Variants in LRCH1 observed in about 807,000 individuals in gnomAD.
The protein encoded by LRCH1 is leucine rich repeats and calponin homology domain containing 1.
In LRCH1, 23 loss-of-function variants were observed where a neutral mutation model predicts 94.9. That is an observed-to-expected ratio of 0.24 (90% CI 0.17 to 0.34). The LOEUF (loss-of-function observed/expected upper bound fraction) is 0.34, where lower values mean the gene tolerates loss of function less well. Among genes scored for constraint, LRCH1 ranks in the 10% least tolerant of loss-of-function variants. LRCH1 has a pLI of 1.00. For missense variants in LRCH1, 790 were observed against 945.9 expected (o/e 0.84, Z 2.16); for synonymous variants, 364 against 354.9 (o/e 1.03, Z -0.29).
intron 3 of LRCH1, among the ~76,000 whole-genome samples, chr13:46,672,611 C>T (rs1000324415): frequency 1.3e-5 from 2 of 152,176 alleles, no homozygotes; most frequent in Non-Finnish European, 2.9e-5. Context: ...GTGTAAACAG[C>T]GTTGTCTCCA....
At chr13:46,686,486 G>A (rs1033006038) in intron 5 of LRCH1, among the ~76,000 whole-genome samples, 4 of 152,088 alleles carry the variant, frequency 2.6e-5, no homozygotes, top group Non-Finnish European at 5.9e-5. Context: ...TTTATGGCCA[G>A]TTTTTACACA....
At position 46,553,315 on chromosome 13, in the gene LRCH1, C is replaced by A. The variant is rs1475131857; in HGVS notation, c.-82C>A. On this transcript the variant is annotated 5_prime_UTR_variant, in exon 1 of 20. Transcript: ENST00000389797. ...CGGTGGAGCACTGCGGCACTCAGCC[C>A]GAGCTGCCGTTTTCCCCTCGCGGGG... 1.1e-5 allele frequency: 14 copies of A among 1,218,162 alleles called. No individual in the cohort carries two copies. The highest frequency in any genetic ancestry group is 1.6e-5 in the Non-Finnish European group (14 of 882,066). 75.5% of individuals were successfully genotyped at this position (1,218,162 alleles called of 1,614,324 possible). A position where few individuals can be genotyped will look rare whatever the true frequency, so the allele number is the denominator to read the frequency against.
chr13:46,584,281 T>C (rs2050406327), intron 1 of LRCH1, among the ~76,000 whole-genome samples: 1 of 152,192 alleles, frequency 6.6e-6, no homozygotes, highest in Non-Finnish European at 1.5e-5. Flanking sequence ...TAACCCAGTG[T>C]TTTCACATGT....
chr13:46,614,121 T>G (rs1239923276), intron 1 of LRCH1, among the ~76,000 whole-genome samples: 3 of 150,370 alleles, frequency 2.0e-5, no homozygotes, highest in African/African-American at 7.4e-5. Flanking sequence ...TCTTTTTTTG[T>G]GGCGAGAGTA....
At chr13:46,690,088 A>T (rs1473387191) in intron 7 of LRCH1, among the ~76,000 whole-genome samples, 1 of 152,000 alleles carries the variant, frequency 6.6e-6, no homozygotes, top group Non-Finnish European at 1.5e-5. Flanking sequence ...ACCTTTCTCC[A>T]ATTCTCCTCA....
intron 13 of LRCH1, among the ~76,000 whole-genome samples, chr13:46,707,230 C>G (rs1311091297): frequency 6.6e-6 from 1 of 152,030 alleles, no homozygotes; most frequent in African/African-American, 2.4e-5. Flanking sequence ...ATTTTTATGA[C>G]CTTGAAATTT....
chr13:46,696,640 T>C (rs1013345544), intron 9 of LRCH1, among the ~76,000 whole-genome samples: 1 of 152,144 alleles, frequency 6.6e-6, no homozygotes, highest in African/African-American at 2.4e-5. Flanking sequence ...GGCAAAGGCT[T>C]TCTGGAAGAT....
At chr13:46,629,446 G>A (rs1316179914) in intron 1 of LRCH1, among the ~76,000 whole-genome samples, 1 of 152,196 alleles carries the variant, frequency 6.6e-6, no homozygotes, top group Non-Finnish European at 1.5e-5. Flanking sequence ...CATAGTTCAT[G>A]AAAGGCTTGA....
chr13:46,588,627 A>C, intron 1 of LRCH1, among the ~76,000 whole-genome samples: 2 of 119,298 alleles, frequency 1.7e-5, no homozygotes, highest in African/African-American at 3.3e-5. Flanking sequence ...TGAGACAGTC[A>C]TCTCGCTCTG....
At chr13:46,559,405 C>T (rs1376666913) in intron 1 of LRCH1, among the ~76,000 whole-genome samples, 1 of 152,156 alleles carries the variant, frequency 6.6e-6, no homozygotes, top group African/African-American at 2.4e-5. Context: ...TGATTCATAT[C>T]CTTTTCTTTC....
At chr13:46,671,101 C>G (rs1438024914) in intron 3 of LRCH1, among the ~76,000 whole-genome samples, 1 of 152,206 alleles carries the variant, frequency 6.6e-6, no homozygotes, top group African/African-American at 2.4e-5. Context: ...AAGTTCCTAC[C>G]TTCTGGGAAT....
chr13:46,712,068 C>G (rs1872093674), intron 14 of LRCH1, among the ~76,000 whole-genome samples: 1 of 152,210 alleles, frequency 6.6e-6, no homozygotes, highest in South Asian at 2.1e-4. Context: ...GTAGGAACAT[C>G]TTTACAAGAA....
intron 1 of LRCH1, among the ~76,000 whole-genome samples, chr13:46,565,775 A>G (rs926485927): frequency 1.3e-5 from 2 of 150,888 alleles, no homozygotes; most frequent in African/African-American, 2.4e-5. Flanking sequence ...ACGCCATTGC[A>G]CTCCAGCCTG....
At chr13:46,723,935 G>A (rs1872699523) in intron 17 of LRCH1, among the ~76,000 whole-genome samples, 1 of 151,934 alleles carries the variant, frequency 6.6e-6, no homozygotes, top group African/African-American at 2.4e-5. Flanking sequence ...ATAGTTTAAT[G>A]CCCTGTCATT....
chr13:46,688,964 G>C (rs1398981557), intron 6 of LRCH1, among the ~76,000 whole-genome samples, 169 bp from the exon 7 acceptor site: 1 of 152,066 alleles, frequency 6.6e-6, no homozygotes, highest in Non-Finnish European at 1.5e-5. Flanking sequence ...ATTTTCATTA[G>C]GTCCATGTCT....
intron 1 of LRCH1, among the ~76,000 whole-genome samples, chr13:46,644,818 C>T (rs1428265751): frequency 6.6e-6 from 1 of 152,088 alleles, no homozygotes; most frequent in Non-Finnish European, 1.5e-5. Flanking sequence ...TAGCCTGGCT[C>T]CTTTCAGAAA....
chr13:46,679,687 A>G (rs2051724799), intron 3 of LRCH1: 1 of 152,232 alleles, frequency 6.6e-6, no homozygotes, highest in Non-Finnish European at 1.5e-5. Flanking sequence ...GATGCTGCTG[A>G]ACACCCGGTG....
At chr13:46,727,100 G>A (rs983451438) in intron 17 of LRCH1, among the ~76,000 whole-genome samples, 2 of 152,098 alleles carry the variant, frequency 1.3e-5, no homozygotes, top group Non-Finnish European at 2.9e-5. Flanking sequence ...AAAATGCTTC[G>A]GTGAACAACG....
rs556982962 is a variant in LRCH1, at chr13:46,616,189, C to T, written c.308-34012C>T. ...TTTAGTGAATTGGAACAATACAAGA[C>T]CTGTGCCCTGAAGTCAGTACTTTCT... is the stretch of plus-strand genomic sequence containing the variant. On this transcript the variant is annotated intron_variant, in intron 1 of 19. Transcript: ENST00000389797. 2.0e-5 allele frequency among the ~76,000 whole-genome samples: 3 copies of T among 152,254 alleles called. No homozygotes were observed. The East Asian group carries it at 5.8e-4, about 29-fold the overall frequency.
Sources: gnomAD v4.1 joint callset for allele counts (sites outside exome capture counted in the v4.1 genomes callset) on GRCh38, gnomAD v4.1.1 for gene constraint, MANE v1.5 for transcripts, NCBI Gene and HGNC (gene_info 2026-07-23, HGNC 2026-07-21) for gene names.